Variants in FOCAD observed in about 807,000 individuals in gnomAD.
The protein encoded by FOCAD is focadhesin.
A neutral mutation model predicts 225.6 loss-of-function variants in FOCAD; 198 were observed. The observed-to-expected ratio is 0.88, with a 90% CI of 0.78 to 0.99. FOCAD has a LOEUF of 0.99. FOCAD is among the 50% of genes least tolerant of loss of function. The pLI, the probability that FOCAD is intolerant of heterozygous loss-of-function variation, is 0.00. For missense variants in FOCAD, 2,713 were observed against 2,123.6 expected (o/e 1.28, Z -5.46); for synonymous variants, 897 against 755.0 (o/e 1.19, Z -3.08).
chr9:20,892,930 C>T (rs562803530), intron 21 of FOCAD, among the ~76,000 whole-genome samples: 1 of 152,286 alleles, frequency 6.6e-6, no homozygotes, highest in African/African-American at 2.4e-5. Context: ...CAACCATCAA[C>T]ATCCAGGCAA....
chr9:20,793,270 G>A (rs7036612), intron 11 of FOCAD, among the ~76,000 whole-genome samples: 32,552 of 152,048 alleles, frequency 0.21, 3,646 homozygotes, highest in South Asian at 0.34. Context: ...GAAATATAAG[G>A]TCAAGTTGCA....
chr9:20,730,503 G>C (rs1826596618), intron 4 of FOCAD, among the ~76,000 whole-genome samples: 2 of 152,100 alleles, frequency 1.3e-5, no homozygotes, highest in Admixed American at 6.5e-5. Context: ...CATACTTGAT[G>C]TATTTCAGTC....
At chr9:20,664,620 T>C (rs916376454) in intron 2 of FOCAD, among the ~76,000 whole-genome samples, 3 of 151,560 alleles carry the variant, frequency 2.0e-5, no homozygotes, top group Non-Finnish European at 2.9e-5. Context: ...TTCTTTTCTT[T>C]TCTTTTCTTT....
chr9:20,779,881 G>T (rs1201605334), intron 9 of FOCAD, among the ~76,000 whole-genome samples: 1 of 152,148 alleles, frequency 6.6e-6, no homozygotes, highest in African/African-American at 2.4e-5. Flanking sequence ...TTAGCACATG[G>T]AGGGGATCCT....
At chr9:20,671,721 A>T (rs1822069370) in intron 2 of FOCAD, among the ~76,000 whole-genome samples, 1 of 152,206 alleles carries the variant, frequency 6.6e-6, no homozygotes, top group African/African-American at 2.4e-5. Context: ...AGGCAAAAAA[A>T]GGGCAAAAAG....
Position 20,981,444 on chromosome 9 carries a change from C to A in FOCAD, c.4396C>A (p.Leu1466Ile). The A allele has an allele frequency of 3.1e-6, 5 of 1,614,166 alleles. No homozygotes were observed. The highest frequency in any genetic ancestry group is 4.2e-6 in the Non-Finnish European group (5 of 1,179,990). ...CTTCCAGCTGAATACCAAGAGATATCTCCTGATATCTGCACCTCTGTGGAT... is the reference window on the plus strand; with the variant it reads ...CTTCCAGCTGAATACCAAGAGATATATCCTGATATCTGCACCTCTGTGGAT... ...HSLSLNTKRY[L>I]LISAPLWIKH... is the part of the protein sequence containing the mutation. Residue 1466 changes from leucine (L) to isoleucine (I), a missense_variant, in exon 38 of 44, where the codon CTC (leucine) becomes ATC (isoleucine). Physicochemically the swap from Leu to Ile is conservative, Grantham distance 5. Coordinates refer to ENST00000338382, the MANE Select transcript of FOCAD (RefSeq NM_001375567.1).
In FOCAD at chr9:20,855,028, A is replaced by G. The variant is rs760256272; in HGVS notation, c.1921-7550A>G. Among the ~76,000 whole-genome samples, 3 of 151,824 alleles carry G rather than the reference A, an allele frequency of 2.0e-5. 1 individual carries two copies. The South Asian group carries it at 6.2e-4, about 31-fold the overall frequency. ...TGAATGTGCTTTACAAAGAATGGCA[A>G]TAGACAGCTTTTTTTAATTTAAAAG... On this transcript the variant is annotated intron_variant, in intron 15 of 43. Transcript: ENST00000338382.
At chr9:20,725,902 C>T (rs543670380) in intron 4 of FOCAD, among the ~76,000 whole-genome samples, 6 of 152,114 alleles carry the variant, frequency 3.9e-5, no homozygotes, top group Non-Finnish European at 8.8e-5. Context: ...ATTGTAAACT[C>T]GTTTTTATAG....
intron 11 of FOCAD, among the ~76,000 whole-genome samples, chr9:20,798,466 G>A (rs751856892): frequency 5.9e-5 from 9 of 152,076 alleles, no homozygotes; most frequent in Non-Finnish European, 1.0e-4. Flanking sequence ...GGCTGTGAAT[G>A]CATCTGGTCC....
chr9:20,784,041 A>T (rs1819663907), intron 10 of FOCAD, among the ~76,000 whole-genome samples: 1 of 152,178 alleles, frequency 6.6e-6, no homozygotes, highest in African/African-American at 2.4e-5. Context: ...CAAGGAAGGA[A>T]CTAAAAAGTC....
Position 20,822,973 on chromosome 9 carries a change from C to G in FOCAD, c.1794-16C>G, listed in dbSNP as rs199712187. The G allele has an allele frequency of 2.9e-4, 458 of 1,562,284 alleles. No individual in the cohort carries two copies. The highest frequency in any genetic ancestry group is 3.7e-4 in the Non-Finnish European group (425 of 1,160,296). ...CTTTAGCATTAATTTTGCTTTTAAA[C>G]TTTCATTTCTTGTAGGCCATATCAA... is the stretch of plus-strand genomic sequence containing the variant. On this transcript the variant is annotated splice_polypyrimidine_tract_variant and intron_variant, in intron 14 of 43. Transcript: ENST00000338382.
At chr9:20,797,767 A>T (rs1356185945) in intron 11 of FOCAD, among the ~76,000 whole-genome samples, 1 of 152,188 alleles carries the variant, frequency 6.6e-6, no homozygotes, top group African/African-American at 2.4e-5. Flanking sequence ...GGGGTTTTCT[A>T]GATATACAAT....
chr9:20,853,160 T>A (rs1307800170), intron 15 of FOCAD, among the ~76,000 whole-genome samples: 1 of 151,814 alleles, frequency 6.6e-6, no homozygotes, highest in Non-Finnish European at 1.5e-5. Context: ...GAAAAGTGAA[T>A]GTCCCTATAG....
At chr9:20,816,594 A>G (rs777647300) in intron 11 of FOCAD, among the ~76,000 whole-genome samples, 9 of 152,030 alleles carry the variant, frequency 5.9e-5, no homozygotes, top group African/African-American at 9.7e-5. Context: ...TTAATTGTCA[A>G]TGTCTTGGTG....
At chr9:20,877,915 A>G (rs186590622) in intron 19 of FOCAD, among the ~76,000 whole-genome samples, 103 of 152,290 alleles carry the variant, frequency 6.8e-4, no homozygotes, top group Non-Finnish European at 1.2e-3. Context: ...CAAAAAAACA[A>G]ACAAACAAAC....
At chr9:20,711,058 T>C (rs1824807770) in intron 1 of FOCAD, among the ~76,000 whole-genome samples, 1 of 152,220 alleles carries the variant, frequency 6.6e-6, no homozygotes, top group South Asian at 2.1e-4. Flanking sequence ...AAAAGATTTC[T>C]AGTCCTGATA....
chr9:20,764,625 C>G (rs938186452), intron 6 of FOCAD, among the ~76,000 whole-genome samples: 1 of 152,222 alleles, frequency 6.6e-6, no homozygotes, highest in African/African-American at 2.4e-5. Context: ...CAAATAGAGA[C>G]TGTCTTCATC....
chr9:20,830,001 T>C (rs1314260208), intron 15 of FOCAD, among the ~76,000 whole-genome samples: 2 of 152,126 alleles, frequency 1.3e-5, no homozygotes, highest in South Asian at 2.1e-4. Context: ...TTCTGAGAGG[T>C]TGACAAAAGT....
Position 20,820,997 on chromosome 9 carries a change from T to C in FOCAD, c.1719T>C (p.Leu573=). 6.2e-7 allele frequency: 1 copy of C among 1,612,808 alleles called. No individual in the cohort carries two copies. The highest frequency in any genetic ancestry group is 8.5e-7 in the Non-Finnish European group (1 of 1,179,160). The change falls in exon 14 of 44, where the codon CTT becomes CTC. Residue 573 remains leucine (L), a synonymous_variant. Transcript: ENST00000338382. ...TGGCTGTGTCTGATGTACCTTCTCT[T>C]TCGGTGGGCAAGGAAGTCCAATGGG... ...RFMAVSDVPS[L]SVGKEVQWEK... is the part of the protein sequence containing the mutation.
Sources: gnomAD v4.1 joint callset for allele counts (sites outside exome capture counted in the v4.1 genomes callset) on GRCh38, gnomAD v4.1.1 for gene constraint, MANE v1.5 for transcripts, NCBI Gene and HGNC (gene_info 2026-07-23, HGNC 2026-07-21) for gene names.